Variants in VEZT observed in about 807,000 individuals in gnomAD.
The protein encoded by VEZT is vezatin, adherens junctions transmembrane protein.
A neutral mutation model predicts 79.9 loss-of-function variants in VEZT; 39 were observed. That is an observed-to-expected ratio of 0.49 (90% CI 0.38 to 0.64). The LOEUF is 0.64. Among genes scored for constraint, VEZT ranks in the 30% least tolerant of loss-of-function variants. The pLI is 0.00. For missense variants in VEZT, 837 were observed against 893.1 expected (o/e 0.94, Z 0.80); for synonymous variants, 325 against 327.6 (o/e 0.99, Z 0.09).
At chr12:95,269,788 T>C (rs2138728018) in intron 5 of VEZT, 1 of 291,940 alleles carries the variant, frequency 3.4e-6, no homozygotes, top group Admixed American at 4.9e-5. Context: ...TTTCCCCACA[T>C]CAGAGGAAGC....
chr12:95,246,849 T>A (rs958620103), intron 1 of VEZT, among the ~76,000 whole-genome samples: 3 of 152,222 alleles, frequency 2.0e-5, no homozygotes, highest in African/African-American at 7.2e-5. Flanking sequence ...ATAAAACATT[T>A]GCGGTTTTAT....
In VEZT at chr12:95,266,509, C is replaced by A. The variant is rs773801324; in HGVS notation, c.587C>A (p.Thr196Asn). 3.2e-5 allele frequency: 51 copies of A among 1,613,726 alleles called. No homozygotes were observed. In the East Asian group the frequency reaches 1.0e-3, roughly 33 times the overall value. ...TGGAGGACAGCCAAACTACAAGTGA[C>A]CCTAAAAAAATACAGCGTTCATTTG... ...RLWRTAKLQV[T>N]LKKYSVHLED... The change falls in exon 5 of 12, where the codon ACC becomes AAC. Residue 196 changes from threonine to asparagine, a missense_variant. Transcript: ENST00000436874.
chr12:95,279,573 G>A (rs1356578691), intron 7 of VEZT, among the ~76,000 whole-genome samples: 5 of 152,142 alleles, frequency 3.3e-5, no homozygotes, highest in African/African-American at 2.4e-5. Flanking sequence ...GGTTTAAGTG[G>A]GTAATGTGAC....
intron 1 of VEZT, among the ~76,000 whole-genome samples, chr12:95,237,094 T>C (rs1460855983): frequency 2.0e-5 from 3 of 152,170 alleles, no homozygotes; most frequent in African/African-American, 7.2e-5. Flanking sequence ...TTAATGAACT[T>C]GTTTACTCAA....
At chr12:95,256,239 C>T (rs533908822) in intron 2 of VEZT, among the ~76,000 whole-genome samples, 3 of 152,016 alleles carry the variant, frequency 2.0e-5, no homozygotes, top group East Asian at 1.9e-4. Flanking sequence ...TTCGTAGAGA[C>T]GGGGTTTCTC....
intron 1 of VEZT, among the ~76,000 whole-genome samples, chr12:95,220,572 A>C (rs1221759832): frequency 6.6e-6 from 1 of 152,016 alleles, no homozygotes. Flanking sequence ...ATAATAACCT[A>C]GATTAATTTT....
intron 1 of VEZT, among the ~76,000 whole-genome samples, chr12:95,226,415 A>G (rs1459620542): frequency 6.8e-6 from 1 of 146,718 alleles, no homozygotes; most frequent in Non-Finnish European, 1.5e-5. Context: ...TTTTTTTGGT[A>G]TATTTGTTGT....
intron 10 of VEZT, among the ~76,000 whole-genome samples, chr12:95,295,551 T>C (rs1192338926): frequency 6.6e-6 from 1 of 152,220 alleles, no homozygotes; most frequent in Non-Finnish European, 1.5e-5. Context: ...GAGCCTATAC[T>C]GTAAGGATAC....
Position 95,225,408 on chromosome 12 carries a change from T to C in VEZT, c.36+7522T>C, listed in dbSNP as rs1032960150. Among the ~76,000 whole-genome samples, 3 of 151,872 alleles carry C rather than the reference T, an allele frequency of 2.0e-5. No homozygotes were observed. In the South Asian group the frequency reaches 6.3e-4, roughly 32 times the overall value. On this transcript the variant is annotated intron_variant, in intron 1 of 11. Coordinates refer to ENST00000436874, the MANE Select transcript of VEZT (RefSeq NM_017599.4). ...TCTCTAGTAAAAATACAAAAAGAAA[T>C]TAGCCGGGCTTGGTGGCGGGCGCCT...
At chr12:95,255,323 A>G (rs182311737) in intron 2 of VEZT, among the ~76,000 whole-genome samples, 62 of 152,322 alleles carry the variant, frequency 4.1e-4, no homozygotes, top group African/African-American at 1.5e-3. Flanking sequence ...TCATCAAGTG[A>G]TACATCAAGT....
chr12:95,222,499 T>C (rs912701120), intron 1 of VEZT, among the ~76,000 whole-genome samples: 2 of 152,044 alleles, frequency 1.3e-5, no homozygotes, highest in African/African-American at 4.8e-5. Context: ...TTGCCATTGA[T>C]CATTTTGTCT....
At chr12:95,220,756 T>C (rs2057453182) in intron 1 of VEZT, among the ~76,000 whole-genome samples, 1 of 152,240 alleles carries the variant, frequency 6.6e-6, no homozygotes, top group African/African-American at 2.4e-5. Context: ...AATTCATTCT[T>C]CTATTAATGG....
chr12:95,283,083 A>T (rs796226803), intron 8 of VEZT, among the ~76,000 whole-genome samples: 22 of 152,302 alleles, frequency 1.4e-4, no homozygotes, highest in African/African-American at 4.8e-4. Flanking sequence ...TTTCTAAATA[A>T]ATTACAGCAG....
At chr12:95,247,994 A>G (rs909452479) in intron 1 of VEZT, among the ~76,000 whole-genome samples, 3 of 152,232 alleles carry the variant, frequency 2.0e-5, no homozygotes, top group Non-Finnish European at 4.4e-5. Flanking sequence ...GTTGTCTTCT[A>G]TGAAACTTTG....
intron 1 of VEZT, among the ~76,000 whole-genome samples, chr12:95,240,854 C>T (rs1039198285): frequency 6.6e-6 from 1 of 151,956 alleles, no homozygotes; most frequent in Admixed American, 6.6e-5. Context: ...TTTTTTCAAT[C>T]TTTGATTCCT....
intron 8 of VEZT, 117 bp downstream of exon 8, chr12:95,282,761 G>A (rs970774385): frequency 1.4e-6 from 1 of 729,390 alleles, no homozygotes; most frequent in Non-Finnish European, 2.1e-6. Context: ...TGAGGCATGA[G>A]CATGAAGGGT....
At chr12:95,226,714 C>A (rs1330148062) in intron 1 of VEZT, among the ~76,000 whole-genome samples, 1 of 152,028 alleles carries the variant, frequency 6.6e-6, no homozygotes, top group African/African-American at 2.4e-5. Flanking sequence ...TAGATGTGCA[C>A]TGAAAGATGA....
At chr12:95,232,532 TAC>T (rs2059405848) in intron 1 of VEZT, among the ~76,000 whole-genome samples, 1 of 152,198 alleles carries the variant, frequency 6.6e-6, no homozygotes, top group Admixed American at 6.5e-5. Flanking sequence ...TCTCAAACAT[TAC>T]ACAGTTTCGG....
chr12:95,237,274 CAT>C (rs764336308), intron 1 of VEZT, among the ~76,000 whole-genome samples: 9 of 151,944 alleles, frequency 5.9e-5, no homozygotes, highest in Non-Finnish European at 1.2e-4. Flanking sequence ...AGCCATGCCT[CAT>C]AAGGTTATTG....
Sources: allele counts gnomAD v4.1 joint callset (sites outside exome capture counted in the v4.1 genomes callset), GRCh38; gene constraint gnomAD v4.1.1; transcripts MANE v1.5; gene names NCBI Gene and HGNC (gene_info 2026-07-23, HGNC 2026-07-21).